Variants in DENND1B observed in about 807,000 individuals in gnomAD.
DENND1B encodes the protein DENN domain-containing protein 1B.
DENND1B carries 59 observed loss-of-function variants against 90.1 expected under a neutral mutation model. The observed-to-expected ratio is 0.65, with a 90% CI of 0.53 to 0.81. The LOEUF is 0.81. DENND1B is among the 40% of genes least tolerant of loss of function. The probability of loss-of-function intolerance (pLI) is 0.00; values close to 1 mark genes in which losing one functional copy is unlikely to be tolerated. For synonymous variants in DENND1B, 337 were observed against 324.6 expected (o/e 1.04, Z -0.41); for missense variants, 862 against 912.6 (o/e 0.94, Z 0.71).
chr1:197,527,856 C>T (rs1295363785), intron 20 of DENND1B, among the ~76,000 whole-genome samples: 4 of 152,096 alleles, frequency 2.6e-5, no homozygotes, highest in African/African-American at 7.2e-5. Flanking sequence ...AGTGGTTACT[C>T]TCCTCTATAA....
intron 20 of DENND1B, among the ~76,000 whole-genome samples, chr1:197,516,546 C>T (rs1236906783): frequency 1.3e-5 from 2 of 151,628 alleles, no homozygotes; most frequent in African/African-American, 2.4e-5. Context: ...TGGTGGGTTG[C>T]GACTCTGAAG....
At position 197,655,418 on chromosome 1, in the gene DENND1B, A is replaced by T. The variant is rs184716759; in HGVS notation, c.366+2882T>A. Among the ~76,000 whole-genome samples the T allele has an allele frequency of 1.3e-5, 2 of 152,348 alleles. 1 individual carries two copies. Among genetic ancestry groups the T allele is most frequent in the Admixed American group, 1.3e-4 (2 of 15,306 alleles). ...GACACAGAGTTACAACCCAGTGTAA[A>T]TGCTCTTGAAACCTACAGAAAGCAT... On this transcript the variant is annotated intron_variant, in intron 6 of 22. Transcript: ENST00000620048.
chr1:197,779,090 G>T (rs541943322), upstream of DENND1B, among the ~76,000 whole-genome samples: 1 of 152,062 alleles, frequency 6.6e-6, no homozygotes, highest in Non-Finnish European at 1.5e-5. Flanking sequence ...TTTCATTTTA[G>T]ATCTTCTGTG....
intron 20 of DENND1B, among the ~76,000 whole-genome samples, chr1:197,526,668 A>G (rs1669154480): frequency 6.6e-6 from 1 of 152,182 alleles, no homozygotes; most frequent in African/African-American, 2.4e-5. Flanking sequence ...AAATGTCTCA[A>G]AATATATACT....
chr1:197,657,207 T>G (rs991366369), intron 6 of DENND1B, among the ~76,000 whole-genome samples: 13 of 152,200 alleles, frequency 8.5e-5, no homozygotes, highest in Non-Finnish European at 1.8e-4. Flanking sequence ...TATGAAGGAC[T>G]CTTACGATTC....
At chr1:197,754,659 CAAAAAAAAAAAAAAA>C (rs57926782) in intron 2 of DENND1B, among the ~76,000 whole-genome samples, 3 of 72,894 alleles carry the variant, frequency 4.1e-5, no homozygotes, top group South Asian at 5.7e-4. Flanking sequence ...GACTCTGTCT[CAAAAAAAAAAAAAAA>C]AAAAAAAAAA....
chr1:197,745,092 G>A (rs1423223818), intron 2 of DENND1B, among the ~76,000 whole-genome samples: 3 of 152,186 alleles, frequency 2.0e-5, no homozygotes, highest in Non-Finnish European at 2.9e-5. Context: ...GTTGTGGATG[G>A]TTTGTGGATG....
chr1:197,617,176 C>T (rs1340045568), intron 11 of DENND1B, among the ~76,000 whole-genome samples: 2 of 151,004 alleles, frequency 1.3e-5, no homozygotes, highest in Non-Finnish European at 3.0e-5. Flanking sequence ...GTATTAGAGA[C>T]AACCCCTTTA....
chr1:197,592,419 A>T (rs181151255), intron 14 of DENND1B, among the ~76,000 whole-genome samples: 1 of 152,328 alleles, frequency 6.6e-6, no homozygotes, highest in East Asian at 1.9e-4. Flanking sequence ...ATCAAAAATT[A>T]TGAATATCAG....
At chr1:197,549,715 C>A (rs1671076670) in intron 16 of DENND1B, among the ~76,000 whole-genome samples, 1 of 152,148 alleles carries the variant, frequency 6.6e-6, no homozygotes, top group South Asian at 2.1e-4. Context: ...CTTCCCTTCA[C>A]ACATTCCTTT....
intron 3 of DENND1B, among the ~76,000 whole-genome samples, chr1:197,680,464 G>C (rs938817278): frequency 6.6e-6 from 1 of 152,080 alleles, no homozygotes; most frequent in Non-Finnish European, 1.5e-5. Flanking sequence ...GTAGGAAAAT[G>C]CTTCAAGTTT....
chr1:197,646,463 C>G (rs1018435424), intron 8 of DENND1B, among the ~76,000 whole-genome samples: 1 of 151,708 alleles, frequency 6.6e-6, no homozygotes, highest in Non-Finnish European at 1.5e-5. Context: ...CCACAATGTT[C>G]CCAAATTTTA....
intron 16 of DENND1B, among the ~76,000 whole-genome samples, chr1:197,550,667 TGA>T (rs1260263988): frequency 8.6e-4 from 2 of 2,324 alleles, no homozygotes; most frequent in Non-Finnish European, 2.0e-3. Flanking sequence ...TGTTGTGGGG[TGA>T]GGGGGGGGGG....
chr1:197,667,983 A>G (rs1558379271), intron 5 of DENND1B, among the ~76,000 whole-genome samples: 1 of 152,194 alleles, frequency 6.6e-6, no homozygotes, highest in Admixed American at 6.5e-5. Context: ...ATAAAGTAAA[A>G]AAAATTCAGG....
intron 9 of DENND1B, among the ~76,000 whole-genome samples, chr1:197,644,610 T>C (rs962165572): frequency 3.4e-5 from 5 of 148,326 alleles, no homozygotes; most frequent in Non-Finnish European, 6.1e-5. Context: ...GTCAATACTT[T>C]AGGATCCATT....
chr1:197,697,023 T>C (rs1658501569), intron 3 of DENND1B, among the ~76,000 whole-genome samples: 3 of 148,556 alleles, frequency 2.0e-5, no homozygotes, highest in South Asian at 2.1e-4. Context: ...TGAGTTTTAA[T>C]TAACAGAACT....
At chr1:197,591,520 T>C (rs1307532596) in intron 14 of DENND1B, among the ~76,000 whole-genome samples, 2 of 152,162 alleles carry the variant, frequency 1.3e-5, no homozygotes, top group African/African-American at 4.8e-5. Flanking sequence ...TCCTGCTGTG[T>C]AGAGCATTAA....
Position 197,622,657 on chromosome 1 carries a change from A to G in DENND1B, c.673-4898T>C, listed in dbSNP as rs553545853. Among the ~76,000 whole-genome samples the G allele has an allele frequency of 2.0e-5, 3 of 151,506 alleles. No individual in the cohort carries two copies. In the South Asian group the frequency reaches 6.2e-4, roughly 31 times the overall value. ...ACACAGACTGTAACTACAGCAGGTA[A>G]CTAATAAAACAGACTCTCCCAGAAA... On this transcript the variant is annotated intron_variant, in intron 10 of 22. Transcript: ENST00000620048.
intron 2 of DENND1B, among the ~76,000 whole-genome samples, chr1:197,727,574 A>T (rs1026146775): frequency 2.6e-5 from 4 of 152,014 alleles, no homozygotes; most frequent in African/African-American, 9.7e-5. Context: ...ACATATAATT[A>T]TCAAGTTACT....
Sources: allele counts gnomAD v4.1 joint callset (sites outside exome capture counted in the v4.1 genomes callset), GRCh38; gene constraint gnomAD v4.1.1; transcripts MANE v1.5; gene names NCBI Gene and HGNC (gene_info 2026-07-23, HGNC 2026-07-21).